The following TPM3 variants were observed in gnomAD, a reference collection of about 807,000 sequenced individuals.
TPM3 encodes tropomyosin alpha-3 chain.
TPM3 carries 16 observed loss-of-function variants against 43.1 expected under a neutral mutation model. That is an observed-to-expected ratio of 0.37 (90% CI 0.25 to 0.56). TPM3 has a LOEUF of 0.56. Among genes scored for constraint, TPM3 ranks in the 20% least tolerant of loss-of-function variants. The probability of loss-of-function intolerance (pLI) is 0.77; values close to 1 mark genes in which losing one functional copy is unlikely to be tolerated. For missense variants in TPM3, 176 were observed against 337.2 expected (o/e 0.52, Z 3.74); for synonymous variants, 101 against 116.9 (o/e 0.86, Z 0.88).
At chr1:154,159,958 C>T (rs1357979145), downstream of TPM3, among the ~76,000 whole-genome samples, 2 of 150,400 alleles carry the variant, frequency 1.3e-5, no homozygotes, top group Non-Finnish European at 2.9e-5. Flanking sequence ...AAACAAATCC[C>T]ATATTTATTT....
At position 154,165,643 on chromosome 1, in the gene TPM3, G is replaced by A. The variant is rs1051555402; in HGVS notation, c.*2294C>T. 1.3e-5 allele frequency among the ~76,000 whole-genome samples: 2 copies of A among 151,756 alleles called. No homozygotes were observed. Among genetic ancestry groups the A allele is most frequent in the African/African-American group, 4.8e-5 (2 of 41,292 alleles). On this transcript the variant is annotated 3_prime_UTR_variant, in exon 10 of 10. Coordinates refer to ENST00000651641, the MANE Select transcript of TPM3 (RefSeq NM_152263.4). ...ACCTCTACTAATAATACAAAAATTAGCTGGGTGTGGTGGCAGGCGCCTGTG... is the reference window on the plus strand; with the variant it reads ...ACCTCTACTAATAATACAAAAATTAACTGGGTGTGGTGGCAGGCGCCTGTG...
rs758722482 is a variant in TPM3 at position 154,172,295 on chromosome 1, T to C, written c.566+613A>G. On this transcript the variant is annotated intron_variant, in intron 5 of 9. Coordinates refer to ENST00000651641, the MANE Select transcript of TPM3 (RefSeq NM_152263.4). ...TGTAAGAGGGAAGCACAAATACATA[T>C]GCATTCAGCACTGACTTTGTTAATC... The C allele has an allele frequency of 4.1e-6, 3 of 729,170 alleles. No individual in the cohort carries two copies. The South Asian group carries it at 4.3e-5, about 11-fold the overall frequency. The allele number at this position is 729,170 out of a possible 1,614,324, so 45.2% of individuals were successfully genotyped here. A position where few individuals can be genotyped will look rare whatever the true frequency, so the allele number is the denominator to read the frequency against.
In TPM3 at chr1:154,162,557, C is replaced by CT. The variant is rs1189846703; in HGVS notation, c.*5379dup. On this transcript the variant is annotated 3_prime_UTR_variant, in exon 10 of 10. Transcript: ENST00000651641. ...AACTTGGGGTTACTACATCTTATTC[C>CT]TTATCTCAATGATGGTAACAAGGAA... Among the ~76,000 whole-genome samples, 1 of 151,976 alleles carries CT rather than the reference C, an allele frequency of 6.6e-6. No individual in the cohort carries two copies. Among genetic ancestry groups the CT allele is most frequent in the Non-Finnish European group, 1.5e-5 (1 of 67,994 alleles).
At chr1:154,170,604 C>A (rs776011548) in intron 7 of TPM3, 45 bp downstream of exon 7, 29 of 1,597,520 alleles carry the variant, frequency 1.8e-5, no homozygotes, top group Non-Finnish European at 2.5e-5. Flanking sequence ...GCCTTATATA[C>A]CTCTAAATGT....
At position 154,169,569 on chromosome 1, in the gene TPM3, A is replaced by C. The variant is rs1002846694; in HGVS notation, c.776-186T>G. 4 of 632,112 alleles carry C rather than the reference A, an allele frequency of 6.3e-6. No individual in the cohort carries two copies. In the African/African-American group the frequency reaches 7.3e-5, roughly 12 times the overall value. The allele number at this position is 632,112 out of a possible 1,614,324, so 39.2% of individuals were successfully genotyped here. A position where few individuals can be genotyped will look rare whatever the true frequency, so the allele number is the denominator to read the frequency against. ...TCAGATCTACTCTCTCCTATGACCAACTTCCTTTCTTGATACTCCAAATCG... is the reference window on the plus strand; with the variant it reads ...TCAGATCTACTCTCTCCTATGACCACCTTCCTTTCTTGATACTCCAAATCG... On this transcript the variant is annotated intron_variant, in intron 8 of 9. Transcript: ENST00000651641.
chr1:154,191,850 A>G, intron 1 of TPM3, 52 bp downstream of exon 1: 1 of 1,599,750 alleles, frequency 6.3e-7, no homozygotes, highest in Non-Finnish European at 8.5e-7. Flanking sequence ...ACTCCCTTCC[A>G]TTTCACAGTC....
intron 2 of TPM3, 109 bp downstream of exon 2, chr1:154,191,073 GTATA>G (rs1663659468): frequency 2.0e-6 from 3 of 1,520,828 alleles, no homozygotes; most frequent in Admixed American, 1.7e-5. Flanking sequence ...ATGTATGTGA[GTATA>G]TATGTCTGTG....
downstream of TPM3, chr1:154,157,787 G>GC: frequency 1.3e-6 from 1 of 779,158 alleles, no homozygotes; most frequent in Non-Finnish European, 2.4e-6. Flanking sequence ...CCCGCTCTTT[G>GC]AGACTTGCTC....
Position 154,169,386 on chromosome 1 carries a change from G to A in TPM3, c.776-3C>T. ...CAGTTTCTGGGCATAGAGCTCATCT[G>A]GACAGGCACAGGAACCACAGGGAGG... On this transcript the variant is annotated splice_polypyrimidine_tract_variant and splice_region_variant and intron_variant, in intron 8 of 9. Coordinates refer to ENST00000651641, the MANE Select transcript of TPM3 (RefSeq NM_152263.4). 1.2e-6 allele frequency: 2 copies of A among 1,614,178 alleles called. No individual in the cohort carries two copies. Among genetic ancestry groups the A allele is most frequent in the Non-Finnish European group, 1.7e-6 (2 of 1,180,028 alleles).
At chr1:154,172,611 G>C in intron 5 of TPM3, 1 of 463,638 alleles carries the variant, frequency 2.2e-6, no homozygotes, top group Non-Finnish European at 4.0e-6. Flanking sequence ...ACCCCAGGTG[G>C]AAGGACCCAG....
downstream of TPM3, chr1:154,159,069 A>T (rs1477544359): frequency 1.3e-6 from 1 of 780,280 alleles, no homozygotes; most frequent in Non-Finnish European, 2.4e-6. Flanking sequence ...AACGGAGAGG[A>T]GGGGAACACA....
intron 1 of TPM3, chr1:154,191,687 G>A: frequency 6.8e-7 from 1 of 1,470,858 alleles, no homozygotes; most frequent in Non-Finnish European, 9.0e-7. Context: ...CTTAAATTCA[G>A]CAGACATACT....
Position 154,173,069 on chromosome 1 carries a change from C to G in TPM3, c.495+15G>C. ...AAAAGGCCGATACGAGAGGGACTAA[C>G]AGAAGGTCACTTACCTCTTCATACT... On this transcript the variant is annotated intron_variant, in intron 4 of 9. Transcript: ENST00000651641. 2 of 1,614,074 alleles carry G rather than the reference C, an allele frequency of 1.2e-6. No homozygotes were observed. Among genetic ancestry groups the G allele is most frequent in the Non-Finnish European group, 1.7e-6 (2 of 1,179,890 alleles).
chr1:154,166,669 G>A lies in TPM3; in HGVS notation c.*1268C>T. 2 of 1,022,374 alleles carry A rather than the reference G, an allele frequency of 2.0e-6. No individual in the cohort carries two copies. The highest frequency in any genetic ancestry group is 2.3e-6 in the Non-Finnish European group (2 of 853,492). 63.3% of individuals were successfully genotyped at this position (1,022,374 alleles called of 1,614,324 possible). The stretch of plus-strand genomic sequence containing the variant: ...TATACTATTAAGAAATCTCTGCTGT[G>A]TAAATTGGAATGCGAATTCCTTTTT... On this transcript the variant is annotated 3_prime_UTR_variant, in exon 10 of 10. Coordinates refer to ENST00000651641, the MANE Select transcript of TPM3 (RefSeq NM_152263.4).
intron 4 of TPM3, 50 bp downstream of exon 4, chr1:154,173,034 T>G: frequency 6.2e-7 from 1 of 1,613,776 alleles, no homozygotes; most frequent in Non-Finnish European, 8.5e-7. Flanking sequence ...TTTACCGCAT[T>G]ATGCTTTGTA....
chr1:154,166,365 C>T lies in TPM3; in HGVS notation c.*1572G>A. On this transcript the variant is annotated 3_prime_UTR_variant, in exon 10 of 10. Coordinates refer to ENST00000651641, the MANE Select transcript of TPM3 (RefSeq NM_152263.4). ...GCTCCATTTCCGACCTGGGCCAGTTCACCCCTTCTTAGGCAACCTTGTTGT... is the reference window on the plus strand; with the variant it reads ...GCTCCATTTCCGACCTGGGCCAGTTTACCCCTTCTTAGGCAACCTTGTTGT... 1 of 267,538 alleles carries T rather than the reference C, an allele frequency of 3.7e-6. No homozygotes were observed. The highest frequency in any genetic ancestry group is 6.6e-6 in the Non-Finnish European group (1 of 151,304). The allele number at this position is 267,538 out of a possible 1,614,324, so 16.6% of individuals were successfully genotyped here.
intron 2 of TPM3, chr1:154,187,457 A>T (rs899869637): frequency 5.1e-6 from 5 of 984,518 alleles, no homozygotes; most frequent in Non-Finnish European, 4.8e-6. Context: ...CAAAGGGGAG[A>T]GGGGTTGAAT....
At position 154,163,960 on chromosome 1, in the gene TPM3, T is replaced by C. The variant is rs1174133036; in HGVS notation, c.*3977A>G. ...TTTTTTTTGTATTTGCAATTGTCCT[T>C]CATGGTTCTAATTTACCTCCATGGC... On this transcript the variant is annotated 3_prime_UTR_variant, in exon 10 of 10. Coordinates refer to ENST00000651641, the MANE Select transcript of TPM3 (RefSeq NM_152263.4). 6.6e-6 allele frequency among the ~76,000 whole-genome samples: 1 copy of C among 151,944 alleles called. No individual in the cohort carries two copies. The highest frequency in any genetic ancestry group is 1.5e-5 in the Non-Finnish European group (1 of 67,988).
Position 154,182,272 on chromosome 1 carries a change from A to G in TPM3, c.244-6024T>C, listed in dbSNP as rs1663042377. Among the ~76,000 whole-genome samples, 3 of 152,158 alleles carry G rather than the reference A, an allele frequency of 2.0e-5. No homozygotes were observed. The South Asian group carries it at 6.2e-4, about 31-fold the overall frequency. ...CTCCTACATTTGCACTAACGTTGAG[A>G]GAAGTACTATCCCCTCCCCTGCCGT... On this transcript the variant is annotated intron_variant, in intron 2 of 9. Transcript: ENST00000651641.
Sources: gnomAD v4.1 joint callset for allele counts (sites outside exome capture counted in the v4.1 genomes callset) on GRCh38, gnomAD v4.1.1 for gene constraint, MANE v1.5 for transcripts, NCBI Gene and HGNC (gene_info 2026-07-23, HGNC 2026-07-21) for gene names.